Variants in XKR4 observed in about 807,000 individuals in gnomAD.
The protein encoded by XKR4 is XK related 4.
A neutral mutation model predicts 53.9 loss-of-function variants in XKR4; 12 were observed. The ratio of observed to expected loss-of-function variants is 0.22; its 90% CI spans 0.14 to 0.36. The LOEUF (loss-of-function observed/expected upper bound fraction) is 0.36. XKR4 is among the 10% of genes least tolerant of loss of function. XKR4 has a pLI of 1.00. For synonymous variants in XKR4, 354 were observed against 362.4 expected (o/e 0.98, Z 0.26); for missense variants, 799 against 859.5 (o/e 0.93, Z 0.88).
At chr8:55,407,415 A>G (rs2129390716) in intron 2 of XKR4, among the ~76,000 whole-genome samples, 1 of 152,320 alleles carries the variant, frequency 6.6e-6, no homozygotes, top group South Asian at 2.1e-4. Flanking sequence ...ATCCCACTTG[A>G]GAATTACGGA....
At chr8:55,462,510 C>T (rs1426824030) in intron 2 of XKR4, among the ~76,000 whole-genome samples, 4 of 152,206 alleles carry the variant, frequency 2.6e-5, no homozygotes, top group Admixed American at 6.5e-5. Flanking sequence ...GTACCAGCCA[C>T]TGCAAAAATA....
Position 55,194,307 on chromosome 8 carries a change from C to T in XKR4, c.806+91013C>T, listed in dbSNP as rs75295571. Among the ~76,000 whole-genome samples the T allele has an allele frequency of 3.7e-3, 560 of 152,316 alleles. 1 individual carries two copies. Among genetic ancestry groups the T allele is most frequent in the Admixed American group, 8.9e-3 (136 of 15,300 alleles). The stretch of plus-strand genomic sequence containing the variant: ...TGTCAGCTCCCATGAACCCTGACTA[C>T]GACTGGCCAGGCCTCCCTCTCTGGC... On this transcript the variant is annotated intron_variant, in intron 1 of 2. Transcript: ENST00000327381.
intron 1 of XKR4, among the ~76,000 whole-genome samples, chr8:55,333,973 TA>T (rs1803417005): frequency 1.3e-5 from 2 of 152,210 alleles, no homozygotes; most frequent in African/African-American, 4.8e-5. Context: ...AGTGCTCCTA[TA>T]AAATTATTTT....
intron 2 of XKR4, among the ~76,000 whole-genome samples, chr8:55,500,047 G>A (rs1806412128): frequency 6.6e-6 from 1 of 152,086 alleles, no homozygotes; most frequent in Non-Finnish European, 1.5e-5. Flanking sequence ...GAGCTTGAGA[G>A]CAAAGGTGAG....
At chr8:55,204,521 T>G (rs896817645) in intron 1 of XKR4, among the ~76,000 whole-genome samples, 1 of 152,216 alleles carries the variant, frequency 6.6e-6, no homozygotes, top group Non-Finnish European at 1.5e-5. Flanking sequence ...TGATAAATAT[T>G]GCCAGATGTC....
chr8:55,422,300 A>G (rs756923719), intron 2 of XKR4, among the ~76,000 whole-genome samples: 2 of 152,362 alleles, frequency 1.3e-5, no homozygotes, highest in South Asian at 2.1e-4. Context: ...ACAATAATAT[A>G]CACACTGCAC....
chr8:55,459,319 T>A (rs1385118257), intron 2 of XKR4, among the ~76,000 whole-genome samples: 3 of 152,162 alleles, frequency 2.0e-5, no homozygotes, highest in Non-Finnish European at 2.9e-5. Flanking sequence ...GCTAAAACTA[T>A]AAAACTTTAG....
At chr8:55,431,386 G>T (rs1461817541) in intron 2 of XKR4, among the ~76,000 whole-genome samples, 5 of 152,092 alleles carry the variant, frequency 3.3e-5, no homozygotes, top group Admixed American at 3.3e-4. Context: ...TCACATTAAA[G>T]GGAATTCAGA....
At chr8:55,387,083 C>T (rs1343404216) in intron 2 of XKR4, among the ~76,000 whole-genome samples, 4 of 152,214 alleles carry the variant, frequency 2.6e-5, no homozygotes, top group Non-Finnish European at 5.9e-5. Context: ...TCCAGGTCCG[C>T]TTCTGTAGTA....
At chr8:55,177,138 G>C (rs2129359249) in intron 1 of XKR4, among the ~76,000 whole-genome samples, 1 of 151,826 alleles carries the variant, frequency 6.6e-6, no homozygotes, top group South Asian at 2.1e-4. Context: ...CCAGGTTCAA[G>C]CAATTCTCCC....
intron 1 of XKR4, among the ~76,000 whole-genome samples, chr8:55,231,402 T>C (rs189090946): frequency 1.3e-5 from 2 of 152,374 alleles, no homozygotes; most frequent in Admixed American, 1.3e-4. Context: ...TGCCCTTCCA[T>C]TTCACTTAGC....
intron 1 of XKR4, among the ~76,000 whole-genome samples, chr8:55,133,370 A>G (rs564189883): frequency 1.3e-5 from 2 of 152,378 alleles, no homozygotes; most frequent in East Asian, 1.9e-4. Context: ...GTTTCAATGC[A>G]TAAGACATGT....
At chr8:55,291,122 C>T (rs1014683521) in intron 1 of XKR4, among the ~76,000 whole-genome samples, 2 of 152,094 alleles carry the variant, frequency 1.3e-5, no homozygotes, top group Admixed American at 6.6e-5. Context: ...ATTGAAAATG[C>T]TATTTTTCCT....
intron 1 of XKR4, among the ~76,000 whole-genome samples, chr8:55,290,130 A>ATTT (rs1203712190): frequency 7.3e-6 from 1 of 137,896 alleles, no homozygotes; most frequent in African/African-American, 2.7e-5. Context: ...CTTTAATTTA[A>ATTT]TTTTTTTTTT....
At chr8:55,437,976 G>A (rs1386295196) in intron 2 of XKR4, among the ~76,000 whole-genome samples, 1 of 151,358 alleles carries the variant, frequency 6.6e-6, no homozygotes, top group Non-Finnish European at 1.5e-5. Context: ...AGAAGAAGAA[G>A]AAGAAGAAGA....
At chr8:55,163,918 C>T (rs191836632) in intron 1 of XKR4, among the ~76,000 whole-genome samples, 101 of 152,320 alleles carry the variant, frequency 6.6e-4, no homozygotes, top group Middle Eastern at 3.4e-3. Flanking sequence ...CAATAATGAT[C>T]ATGTGTGCTC....
intron 1 of XKR4, among the ~76,000 whole-genome samples, chr8:55,158,674 T>C (rs1224496452): frequency 6.6e-6 from 1 of 152,256 alleles, no homozygotes. Flanking sequence ...GTGATTTTTG[T>C]ATATGGTACA....
At chr8:55,141,933 C>G (rs931008975) in intron 1 of XKR4, among the ~76,000 whole-genome samples, 2 of 152,102 alleles carry the variant, frequency 1.3e-5, no homozygotes, top group Non-Finnish European at 2.9e-5. Context: ...GGGAGCCACA[C>G]GCCTGCAGGG....
At position 55,532,360 on chromosome 8, in the gene XKR4, A is replaced by G. The variant is rs1357245526; in HGVS notation, c.*8133A>G. 6.6e-6 allele frequency: 1 copy of G among 152,228 alleles called. No individual in the cohort carries two copies. Among genetic ancestry groups the G allele is most frequent in the East Asian group, 1.9e-4 (1 of 5,204 alleles). The allele number at this position is 152,228 out of a possible 1,614,324, so 9.4% of individuals were successfully genotyped here. ...TATAATTACTGATATAATATTTGCT[A>G]AGCAAAAATCTTGTTTAACGAAAAA... On this transcript the variant is annotated 3_prime_UTR_variant, in exon 3 of 3. Coordinates refer to ENST00000327381, the MANE Select transcript of XKR4 (RefSeq NM_052898.2).
Sources: allele counts gnomAD v4.1 joint callset (sites outside exome capture counted in the v4.1 genomes callset), GRCh38; gene constraint gnomAD v4.1.1; transcripts MANE v1.5; gene names NCBI Gene and HGNC (gene_info 2026-07-23, HGNC 2026-07-21).